Variants in CDK12 observed in about 807,000 individuals in gnomAD.
CDK12 encodes the protein cyclin dependent kinase 12, also known as cyclin-dependent kinase 12.
Under a neutral mutation model 133.8 loss-of-function variants are expected in CDK12, and 17 were observed. That is an observed-to-expected ratio of 0.13 (90% CI 0.09 to 0.19). The LOEUF (loss-of-function observed/expected upper bound fraction) is 0.19, where lower values mean the gene tolerates loss of function less well. Ranked by LOEUF, CDK12 falls within the 10% of genes least tolerant of loss-of-function variation. The pLI, the probability that CDK12 is intolerant of heterozygous loss-of-function variation, is 1.00. For synonymous variants in CDK12, 694 were observed against 683.6 expected (o/e 1.02, Z -0.24); for missense variants, 1,508 against 1,818.7 (o/e 0.83, Z 3.11).
downstream of CDK12, chr17:39,567,256 T>G (rs776184538): frequency 6.6e-6 from 1 of 152,250 alleles, no homozygotes; most frequent in Non-Finnish European, 1.5e-5. Context: ...CTCTGACCTG[T>G]CTTTCTCTGT....
At chr17:39,562,105 A>G (rs542212047) in intron 3 of CDK12, among the ~76,000 whole-genome samples, 1 of 151,870 alleles carries the variant, frequency 6.6e-6, no homozygotes, top group African/African-American at 2.4e-5. Context: ...ATGCCCAGCT[A>G]ATTTTTGCAT....
intron 6 of CDK12, among the ~76,000 whole-genome samples, chr17:39,507,014 A>G (rs929594551): frequency 6.6e-6 from 1 of 151,846 alleles, no homozygotes; most frequent in Non-Finnish European, 1.5e-5. Context: ...CTCCCACCTC[A>G]GCCTCCCAAG....
At chr17:39,499,429 G>A (rs1300646936) in intron 5 of CDK12, among the ~76,000 whole-genome samples, 19 of 150,468 alleles carry the variant, frequency 1.3e-4, no homozygotes, top group African/African-American at 3.9e-4. Flanking sequence ...GGCTTGTCTC[G>A]AACTCCTGAC....
intron 2 of CDK12, among the ~76,000 whole-genome samples, chr17:39,473,618 C>T (rs949877775): frequency 3.3e-5 from 5 of 151,922 alleles, no homozygotes; most frequent in Admixed American, 1.3e-4. Context: ...TGGCCAGGTG[C>T]GGTGGTTCAT....
At chr17:39,495,384 G>GT (rs60185847) in intron 5 of CDK12, among the ~76,000 whole-genome samples, 26 of 110,652 alleles carry the variant, frequency 2.3e-4, no homozygotes, top group Non-Finnish European at 3.4e-4. Flanking sequence ...GGCCTCATGT[G>GT]TTTTTTTTTT....
chr17:39,488,345 C>T (rs1402274688), intron 2 of CDK12, among the ~76,000 whole-genome samples: 1 of 152,142 alleles, frequency 6.6e-6, no homozygotes, highest in Non-Finnish European at 1.5e-5. Flanking sequence ...GAGGCTTCTG[C>T]CACCAGGTGC....
chr17:39,490,567 A>G lies in CDK12; in HGVS notation c.1942A>G (p.Thr648Ala). 6.2e-7 allele frequency: 1 copy of G among 1,607,616 alleles called. No homozygotes were observed. Among genetic ancestry groups the G allele is most frequent in the Middle Eastern group, 1.7e-4 (1 of 6,028 alleles). The part of the protein sequence containing the change: ...GDDDMDSPKE[T>A]LPSKPVKKEK... ...TCATTTATTGTTTAGTCCAAAAGAA[A>G]CTCTTCCTTCAAAACCTGTGAAGAA... is the stretch of plus-strand genomic sequence containing the variant. Residue 648 changes from threonine to alanine, a missense_variant, in exon 3 of 14, where the codon ACT becomes GCT. Thr to Ala is a moderately conservative substitution (Grantham distance 58). Coordinates refer to ENST00000447079, the MANE Select transcript of CDK12 (RefSeq NM_016507.4).
intron 5 of CDK12, among the ~76,000 whole-genome samples, chr17:39,499,510 C>CT (rs11386819): frequency 0.039 from 5,162 of 131,028 alleles, 260 homozygotes; most frequent in African/African-American, 0.12. Flanking sequence ...CGCCCAGCCT[C>CT]TTTTTTTTTT....
At chr17:39,560,781 A>G (rs1262836517) in intron 3 of CDK12, among the ~76,000 whole-genome samples, 2 of 152,232 alleles carry the variant, frequency 1.3e-5, no homozygotes, top group African/African-American at 4.8e-5. Flanking sequence ...TGAGAGGCCG[A>G]GGCAGGTGGA....
At chr17:39,470,135 A>G (rs1297390916) in intron 1 of CDK12, among the ~76,000 whole-genome samples, 1 of 139,686 alleles carries the variant, frequency 7.2e-6, no homozygotes, top group Non-Finnish European at 1.6e-5. Context: ...AGTTTAATCT[A>G]TTTTTTTTTT....
chr17:39,538,937 A>ATACC (rs1466218222), downstream of CDK12, among the ~76,000 whole-genome samples: 1 of 152,040 alleles, frequency 6.6e-6, no homozygotes, highest in Admixed American at 6.6e-5. Context: ...ACATACATAC[A>ATACC]TACATACATA....
At chr17:39,505,465 C>G (rs2053046559) in intron 6 of CDK12, among the ~76,000 whole-genome samples, 1 of 134,484 alleles carries the variant, frequency 7.4e-6, no homozygotes, top group Non-Finnish European at 1.5e-5. Context: ...GTGGAGGTTG[C>G]AGTGAGCTGA....
At position 39,462,035 on chromosome 17, in the gene CDK12, G is replaced by A; in HGVS notation, c.-37G>A. 2 of 1,568,162 alleles carry A rather than the reference G, an allele frequency of 1.3e-6. No homozygotes were observed. The highest frequency in any genetic ancestry group is 1.7e-5 in the Admixed American group (1 of 57,688). On this transcript the variant is annotated 5_prime_UTR_variant, in exon 1 of 14. Coordinates refer to ENST00000447079, the MANE Select transcript of CDK12 (RefSeq NM_016507.4). The stretch of plus-strand genomic sequence containing the variant: ...TGGGGGTTGCTTTTTGGAGTGCTGG[G>A]GAACTTTTTTCCCTTCTTCAGGTCA...
chr17:39,474,125 T>G (rs1436053597), intron 2 of CDK12, among the ~76,000 whole-genome samples: 1 of 152,208 alleles, frequency 6.6e-6, no homozygotes, highest in African/African-American at 2.4e-5. Context: ...CAAACACACT[T>G]GCTTTAGCAG....
rs993317105 is a variant in CDK12 at position 39,494,832 on chromosome 17, C to T, written c.2419+138C>T. On this transcript the variant is annotated intron_variant, in intron 5 of 13. Coordinates refer to ENST00000447079, the MANE Select transcript of CDK12 (RefSeq NM_016507.4). ...TTGCCCAGGCTGAACTGCAGTGGTG[C>T]GATTTCAGGTCACTGCAAGCTCCAC... is the stretch of plus-strand genomic sequence containing the variant. The T allele has an allele frequency of 8.0e-6, 5 of 621,726 alleles. No homozygotes were observed. The Admixed American group carries it at 9.6e-5, about 12-fold the overall frequency. The allele number at this position is 621,726 out of a possible 1,614,324, so 38.5% of individuals were successfully genotyped here. A position where few individuals can be genotyped will look rare whatever the true frequency, so the allele number is the denominator to read the frequency against.
chr17:39,501,102 C>T (rs1201741232), intron 5 of CDK12, 148 bp from the exon 6 acceptor site: 1 of 545,698 alleles, frequency 1.8e-6, no homozygotes, highest in African/African-American at 2.0e-5. Context: ...TTCAACTACT[C>T]TTCGTTTCAG....
chr17:39,490,910 T>C (rs1456134052), intron 3 of CDK12, among the ~76,000 whole-genome samples, 177 bp downstream of exon 3: 1 of 152,216 alleles, frequency 6.6e-6, no homozygotes, highest in African/African-American at 2.4e-5. Flanking sequence ...GTCATTCATC[T>C]ATGCCCTCAG....
intron 5 of CDK12, among the ~76,000 whole-genome samples, chr17:39,499,282 A>G (rs1384903653): frequency 1.4e-5 from 2 of 140,016 alleles, no homozygotes; most frequent in African/African-American, 5.4e-5. Flanking sequence ...GTCTTGGCTC[A>G]CTGCAACCTC....
intron 1 of CDK12, among the ~76,000 whole-genome samples, chr17:39,466,726 A>C (rs1192118073): frequency 6.7e-6 from 1 of 149,704 alleles, no homozygotes; most frequent in Non-Finnish European, 1.5e-5. Flanking sequence ...TTGGAGACAC[A>C]ATATGGTAGC....
Sources: allele counts gnomAD v4.1 joint callset (sites outside exome capture counted in the v4.1 genomes callset), GRCh38; gene constraint gnomAD v4.1.1; transcripts MANE v1.5; gene names NCBI Gene and HGNC (gene_info 2026-07-23, HGNC 2026-07-21).